The following GABRG3 variants were observed in gnomAD, a reference collection of about 807,000 sequenced individuals.
The protein encoded by GABRG3 is gamma-aminobutyric acid receptor subunit gamma-3.
A neutral mutation model predicts 48.8 loss-of-function variants in GABRG3; 25 were observed. The observed-to-expected ratio is 0.51, with a 90% CI of 0.37 to 0.72. The LOEUF (loss-of-function observed/expected upper bound fraction) is 0.72, where lower values mean the gene tolerates loss of function less well. GABRG3 is among the 30% of genes least tolerant of loss of function. The pLI is 0.00. For synonymous variants in GABRG3, 227 were observed against 217.6 expected (o/e 1.04, Z -0.38); for missense variants, 394 against 577.9 (o/e 0.68, Z 3.26).
At chr15:27,497,103 C>T (rs1011172632) in intron 6 of GABRG3, among the ~76,000 whole-genome samples, 3 of 152,224 alleles carry the variant, frequency 2.0e-5, no homozygotes, top group African/African-American at 7.2e-5. Flanking sequence ...GATTTCCTCT[C>T]ATCAGTATCC....
At chr15:27,282,477 C>T (rs577802615) in intron 3 of GABRG3, among the ~76,000 whole-genome samples, 1 of 152,180 alleles carries the variant, frequency 6.6e-6, no homozygotes, top group Non-Finnish European at 1.5e-5. Flanking sequence ...CTTCCTCTCT[C>T]GCATCCATTC....
chr15:27,442,688 C>T lies in GABRG3; in HGVS notation c.575-37962C>T, dbSNP rs543809799. 9.2e-5 allele frequency among the ~76,000 whole-genome samples: 14 copies of T among 152,358 alleles called. No individual in the cohort carries two copies. The East Asian group carries it at 2.5e-3, about 27-fold the overall frequency. Reference sequence around the variant, plus strand: ...TCTGCCGTGTCTTCTAGTTTTCTTCCTCCTACAAGGAACTTCAAAGTTATT... The same window carrying T: ...TCTGCCGTGTCTTCTAGTTTTCTTCTTCCTACAAGGAACTTCAAAGTTATT... On this transcript the variant is annotated intron_variant, in intron 5 of 9. Coordinates refer to ENST00000615808, the MANE Select transcript of GABRG3 (RefSeq NM_033223.5).
intron 5 of GABRG3, among the ~76,000 whole-genome samples, chr15:27,423,107 C>T (rs1452899883): frequency 1.3e-5 from 2 of 151,540 alleles, no homozygotes; most frequent in African/African-American, 4.9e-5. Context: ...GCCAGGGTAA[C>T]TGAAATTCAG....
intron 3 of GABRG3, among the ~76,000 whole-genome samples, chr15:27,202,943 C>T (rs892490635): frequency 6.6e-6 from 1 of 151,934 alleles, no homozygotes; most frequent in Admixed American, 6.6e-5. Context: ...TAGGATATAC[C>T]TCTCCTAACG....
intron 3 of GABRG3, among the ~76,000 whole-genome samples, chr15:27,177,802 G>A (rs1277215518): frequency 6.6e-6 from 1 of 152,160 alleles, no homozygotes; most frequent in Non-Finnish European, 1.5e-5. Flanking sequence ...TTTTGTTTTG[G>A]ACTATTGCAG....
intron 3 of GABRG3, among the ~76,000 whole-genome samples, chr15:27,270,360 G>T (rs966904291): frequency 6.6e-6 from 1 of 152,104 alleles, no homozygotes; most frequent in Non-Finnish European, 1.5e-5. Context: ...GCTTGACCGT[G>T]CCAGTTTGTT....
intron 3 of GABRG3, among the ~76,000 whole-genome samples, chr15:27,231,842 G>A (rs1322803484): frequency 1.3e-5 from 2 of 152,062 alleles, no homozygotes; most frequent in Admixed American, 6.6e-5. Context: ...TTATCTAAAC[G>A]TTGTGAAACA....
At chr15:27,186,378 A>G (rs1308863346) in intron 3 of GABRG3, among the ~76,000 whole-genome samples, 1 of 152,162 alleles carries the variant, frequency 6.6e-6, no homozygotes, top group African/African-American at 2.4e-5. Flanking sequence ...TATATGGTAT[A>G]TATGTACCAC....
At chr15:27,461,202 C>T (rs1298328376) in intron 5 of GABRG3, among the ~76,000 whole-genome samples, 1 of 152,198 alleles carries the variant, frequency 6.6e-6, no homozygotes, top group Non-Finnish European at 1.5e-5. Flanking sequence ...TCATCCTCTC[C>T]CATAGGATGC....
intron 3 of GABRG3, among the ~76,000 whole-genome samples, chr15:27,304,394 G>T (rs941843495): frequency 1.3e-5 from 2 of 151,748 alleles, no homozygotes; most frequent in Non-Finnish European, 2.9e-5. Flanking sequence ...TATTAATCAG[G>T]TATATTTATT....
chr15:27,451,717 G>A (rs1889117893), intron 5 of GABRG3, among the ~76,000 whole-genome samples: 1 of 152,130 alleles, frequency 6.6e-6, no homozygotes, highest in Admixed American at 6.5e-5. Flanking sequence ...AACCTGCACA[G>A]CAAAGGAAAC....
chr15:27,072,576 A>G (rs1896846297), intron 3 of GABRG3, among the ~76,000 whole-genome samples: 1 of 152,188 alleles, frequency 6.6e-6, no homozygotes, highest in Non-Finnish European at 1.5e-5. Flanking sequence ...GACTCAAATG[A>G]CACCAGTCCA....
At chr15:27,190,885 C>T (rs958414699) in intron 3 of GABRG3, among the ~76,000 whole-genome samples, 18 of 152,194 alleles carry the variant, frequency 1.2e-4, no homozygotes, top group Admixed American at 6.5e-5. Context: ...TTTCCCTCTA[C>T]ACACTGCTTT....
At chr15:27,056,908 C>T (rs1266535981) in intron 3 of GABRG3, among the ~76,000 whole-genome samples, 1 of 152,142 alleles carries the variant, frequency 6.6e-6, no homozygotes, top group Non-Finnish European at 1.5e-5. Context: ...TCATCTAGTT[C>T]CTCTGTGTGC....
At chr15:27,380,911 G>A (rs1466473023) in intron 5 of GABRG3, among the ~76,000 whole-genome samples, 2 of 151,732 alleles carry the variant, frequency 1.3e-5, no homozygotes, top group Admixed American at 6.6e-5. Flanking sequence ...GACTACAGGC[G>A]CCTGCCACCA....
At chr15:27,048,700 C>T (rs890546365) in intron 3 of GABRG3, among the ~76,000 whole-genome samples, 6 of 152,156 alleles carry the variant, frequency 3.9e-5, no homozygotes, top group Non-Finnish European at 7.3e-5. Flanking sequence ...TCTTCAATGA[C>T]GATTTGAAAT....
chr15:27,287,355 A>G (rs1335580808), intron 3 of GABRG3, among the ~76,000 whole-genome samples: 1 of 152,172 alleles, frequency 6.6e-6, no homozygotes, highest in East Asian at 1.9e-4. Context: ...GAAAAAAGAA[A>G]CCCATTACTA....
intron 5 of GABRG3, among the ~76,000 whole-genome samples, chr15:27,475,377 C>T (rs537195757): frequency 3.3e-5 from 5 of 152,070 alleles, no homozygotes; most frequent in Non-Finnish European, 5.9e-5. Flanking sequence ...ATAGAAAGCC[C>T]TTGGAATAGT....
At chr15:27,464,574 A>G (rs960132012) in intron 5 of GABRG3, among the ~76,000 whole-genome samples, 1 of 152,026 alleles carries the variant, frequency 6.6e-6, no homozygotes, top group African/African-American at 2.4e-5. Context: ...ACCATTTTGC[A>G]CTCCCACCAG....
Sources: gnomAD v4.1 joint callset for allele counts (sites outside exome capture counted in the v4.1 genomes callset) on GRCh38, gnomAD v4.1.1 for gene constraint, MANE v1.5 for transcripts, NCBI Gene and HGNC (gene_info 2026-07-23, HGNC 2026-07-21) for gene names.